Variants in RAD50 observed in about 807,000 individuals in gnomAD.
RAD50 encodes the protein DNA repair protein RAD50.
In RAD50, 132 loss-of-function variants were observed where a neutral mutation model predicts 168.8. That is an observed-to-expected ratio of 0.78 (90% CI 0.68 to 0.90). RAD50 has a LOEUF of 0.90. Among genes scored for constraint, RAD50 ranks in the 40% least tolerant of loss-of-function variants. RAD50 has a pLI of 0.00. For synonymous variants in RAD50, 525 were observed against 497.4 expected (o/e 1.06, Z -0.74); for missense variants, 1,347 against 1,534.4 (o/e 0.88, Z 2.04).
intron 18 of RAD50, 33 bp downstream of exon 18, chr5:132,609,242 G>A (rs1751041067): frequency 6.2e-7 from 1 of 1,606,568 alleles, no homozygotes; most frequent in South Asian, 1.1e-5. Flanking sequence ...TTATTTGATT[G>A]TATTTTTATT....
Position 132,557,085 on chromosome 5 carries a change from C to A in RAD50, c.-240C>A. The stretch of plus-strand genomic sequence containing the variant: ...GCGGGCAGCCCCAGGCTGGTCCCCG[C>A]CTCCGCTCTCCCCACCGGCGGGGAA... On this transcript the variant is annotated 5_prime_UTR_variant, in exon 1 of 25. Transcript: ENST00000378823. The A allele has an allele frequency of 1.5e-6, 1 of 667,336 alleles. No homozygotes were observed. Among genetic ancestry groups the A allele is most frequent in the Non-Finnish European group, 2.5e-6 (1 of 406,776 alleles). The allele number at this position is 667,336 out of a possible 1,614,324, so 41.3% of individuals were successfully genotyped here. A position where few individuals can be genotyped will look rare whatever the true frequency, so the allele number is the denominator to read the frequency against.
At chr5:132,593,017 G>A (rs749004772) in intron 11 of RAD50, 1 of 376,444 alleles carries the variant, frequency 2.7e-6, no homozygotes, top group African/African-American at 2.1e-5. Flanking sequence ...ATCTTCTTCA[G>A]TTAGGGCATG....
chr5:132,570,279 A>G (rs1056264310), intron 2 of RAD50, among the ~76,000 whole-genome samples: 6 of 152,084 alleles, frequency 3.9e-5, no homozygotes, highest in African/African-American at 1.4e-4. Flanking sequence ...TGGGGGGGGA[A>G]ATGGAGAAAG....
intron 21 of RAD50, among the ~76,000 whole-genome samples, chr5:132,625,704 T>G (rs1751362650): frequency 6.6e-6 from 1 of 152,200 alleles, no homozygotes; most frequent in Admixed American, 6.5e-5. Flanking sequence ...CTCTGGTAAC[T>G]ATCATCTCCA....
At chr5:132,583,522 C>G (rs1315066847) in intron 5 of RAD50, among the ~76,000 whole-genome samples, 1 of 152,042 alleles carries the variant, frequency 6.6e-6, no homozygotes, top group Non-Finnish European at 1.5e-5. Context: ...TCTCAAAGTC[C>G]TTGCAGTCAG....
At position 132,642,444 on chromosome 5, in the gene RAD50, T is replaced by C; in HGVS notation, c.*80T>C. On this transcript the variant is annotated 3_prime_UTR_variant, in exon 25 of 25. Coordinates refer to ENST00000378823, the MANE Select transcript of RAD50 (RefSeq NM_005732.4). Reference sequence around the variant, plus strand: ...AAGAAACTTATTTCTCATATCAACTTAGTCAATAAGAAAATATATTCTTTC... The same window carrying C: ...AAGAAACTTATTTCTCATATCAACTCAGTCAATAAGAAAATATATTCTTTC... The C allele has an allele frequency of 7.9e-7, 1 of 1,258,538 alleles. No homozygotes were observed. Among genetic ancestry groups the C allele is most frequent in the South Asian group, 1.3e-5 (1 of 75,884 alleles). 78.0% of individuals were successfully genotyped at this position (1,258,538 alleles called of 1,614,324 possible).
rs745374544 is a variant in RAD50 at position 132,589,654 on chromosome 5, T to C, written c.1269T>C (p.Thr423=). The change falls in exon 9 of 25, where the codon ACT becomes ACC. Residue 423 remains threonine (T), a synonymous_variant. Coordinates refer to ENST00000378823, the MANE Select transcript of RAD50 (RefSeq NM_005732.4). ...QLMNDFAEKE[T]LKQKQIDEIR... ...AGAATGACTTTGCAGAAAAAGAGAC[T>C]CTGAAACAAAAACAGATAGATGAGA... 5.0e-6 allele frequency: 8 copies of C among 1,598,920 alleles called. No homozygotes were observed. The Middle Eastern group carries it at 7.8e-4, about 155-fold the overall frequency.
chr5:132,608,537 TA>T, intron 16 of RAD50, 77 bp from the exon 17 acceptor site: 2 of 1,294,690 alleles, frequency 1.5e-6, no homozygotes, highest in Non-Finnish European at 2.1e-6. Flanking sequence ...AAAGTGCTTT[TA>T]TTAAGACTGT....
intron 2 of RAD50, 123 bp from the exon 3 acceptor site, chr5:132,575,654 C>A: frequency 1.1e-6 from 1 of 881,982 alleles, no homozygotes; most frequent in Non-Finnish European, 1.8e-6. Flanking sequence ...AAAAATATCA[C>A]TCATTTTGGA....
chr5:132,618,978 T>C (rs1390009897), intron 21 of RAD50, among the ~76,000 whole-genome samples: 1 of 152,226 alleles, frequency 6.6e-6, no homozygotes, highest in Non-Finnish European at 1.5e-5. Context: ...ATATATGTCA[T>C]ATTTTGAGCT....
chr5:132,639,353 C>CAA (rs980327824), intron 23 of RAD50, among the ~76,000 whole-genome samples: 4,395 of 82,570 alleles, frequency 0.053, 123 homozygotes, highest in Middle Eastern at 0.16. Flanking sequence ...AACTCCGTCT[C>CAA]AAAAAAAAAA....
At chr5:132,595,514 A>G (rs1750773504) in intron 12 of RAD50, 59 bp from the exon 13 acceptor site, 1 of 1,106,592 alleles carries the variant, frequency 9.0e-7, no homozygotes, top group Admixed American at 1.8e-5. Flanking sequence ...AACCGTATTC[A>G]GAATACTGTA....
At chr5:132,592,778 A>G (rs758971151) in intron 11 of RAD50, 10 of 469,898 alleles carry the variant, frequency 2.1e-5, no homozygotes, top group South Asian at 1.6e-4. Flanking sequence ...GTACTGGTAA[A>G]GCCACATTCC....
rs952104887 is a variant in RAD50, at chr5:132,559,209, G to C, written c.130-75G>C. 3.8e-6 allele frequency: 5 copies of C among 1,324,896 alleles called. No homozygotes were observed. The African/African-American group carries it at 6.0e-5, about 16-fold the overall frequency. The allele number at this position is 1,324,896 out of a possible 1,614,324, so 82.1% of individuals were successfully genotyped here. A position where few individuals can be genotyped will look rare whatever the true frequency, so the allele number is the denominator to read the frequency against. ...AGTTTCCATGATAAATAATATTTTT[G>C]TAATGAATTCATATTTTATGGTAAA... On this transcript the variant is annotated intron_variant, in intron 1 of 24. Coordinates refer to ENST00000378823, the MANE Select transcript of RAD50 (RefSeq NM_005732.4).
At chr5:132,596,338 G>A (rs920738880) in intron 13 of RAD50, among the ~76,000 whole-genome samples, 2 of 152,106 alleles carry the variant, frequency 1.3e-5, no homozygotes, top group East Asian at 1.9e-4. Context: ...CAGTCTTTAC[G>A]TTCTTTTGTA....
chr5:132,595,552 T>C (rs766426930), intron 12 of RAD50, 21 bp from the exon 13 acceptor site: 1 of 1,502,366 alleles, frequency 6.7e-7, no homozygotes. Context: ...ATTGGTGATA[T>C]AATTTATTTT....
intron 23 of RAD50, among the ~76,000 whole-genome samples, chr5:132,639,757 T>C (rs1751676580): frequency 6.6e-6 from 1 of 152,190 alleles, no homozygotes; most frequent in South Asian, 2.1e-4. Flanking sequence ...GGGCTCTGCA[T>C]GTGAGTGGGT....
At position 132,642,321 on chromosome 5, in the gene RAD50, T is replaced by A; in HGVS notation, c.3896T>A (p.Ile1299Asn). ...IKKNIDQCSE[I>N]VKCSVSSLGF... ...AAGAACATCGATCAGTGCTCAGAGA[T>A]TGTGAAATGCAGTGTTAGCTCCCTG... Residue 1299 changes from isoleucine (I) to asparagine (N), a missense_variant, in exon 25 of 25, where the codon ATT becomes AAT. Ile to Asn is a moderately radical substitution (Grantham distance 149). This residue lies in a region of RAD50 where 635 missense variants were observed against 739.2 expected (regional missense o/e 0.86). Coordinates refer to ENST00000378823, the MANE Select transcript of RAD50 (RefSeq NM_005732.4). 6.2e-7 allele frequency: 1 copy of A among 1,614,092 alleles called. No individual in the cohort carries two copies. The highest frequency in any genetic ancestry group is 8.5e-7 in the Non-Finnish European group (1 of 1,179,992).
intron 2 of RAD50, among the ~76,000 whole-genome samples, chr5:132,560,297 TC>T (rs1750102516): frequency 6.6e-6 from 1 of 152,222 alleles, no homozygotes; most frequent in African/African-American, 2.4e-5. Flanking sequence ...TAAATTGTAT[TC>T]CATTGAGTTT....
Sources: gnomAD v4.1 joint callset for allele counts (sites outside exome capture counted in the v4.1 genomes callset) on GRCh38, gnomAD v4.1.1 for gene constraint, gnomAD v4.1.1 regional missense constraint, MANE v1.5 for transcripts, NCBI Gene and HGNC (gene_info 2026-07-23, HGNC 2026-07-21) for gene names.